Variants in DNAAF11 observed in about 807,000 individuals in gnomAD.
DNAAF11 encodes the protein leucine rich repeat containing 6.
DNAAF11 carries 45 observed loss-of-function variants against 60.8 expected under a neutral mutation model. The observed-to-expected ratio is 0.74, with a 90% CI of 0.58 to 0.95. The LOEUF is 0.95. Among genes scored for constraint, DNAAF11 ranks in the 40% least tolerant of loss-of-function variants. The pLI is 0.00. For synonymous variants in DNAAF11, 191 were observed against 183.5 expected (o/e 1.04, Z -0.33); for missense variants, 546 against 546.2 (o/e 1.00, Z 0.00).
At chr8:132,664,955 C>A (rs533473440) in intron 1 of DNAAF11, among the ~76,000 whole-genome samples, 50 of 152,190 alleles carry the variant, frequency 3.3e-4, no homozygotes, top group Admixed American at 8.5e-4. Flanking sequence ...CCTCCCTTAG[C>A]ATGAATAACT....
At chr8:132,689,881 A>AT in the DNAAF11 span, among the ~76,000 whole-genome samples, 3,726 of 151,752 alleles carry the variant, frequency 0.025, 169 homozygotes, top group African/African-American at 0.085. Flanking sequence ...TCCTGTGAAT[A>AT]TTTTTTTTCC....
chr8:132,610,138 T>G (rs774183652), intron 10 of DNAAF11, 28 bp downstream of exon 10: 10 of 1,551,080 alleles, frequency 6.4e-6, no homozygotes, highest in Admixed American at 1.7e-5. Context: ...TATCCAGACT[T>G]GAAATTGACC....
chr8:132,649,565 T>A (rs1452765523), intron 3 of DNAAF11, among the ~76,000 whole-genome samples: 4 of 152,046 alleles, frequency 2.6e-5, no homozygotes, highest in Non-Finnish European at 4.4e-5. Context: ...GAAACTACCA[T>A]CAGAGTGAAC....
At position 132,663,780 on chromosome 8, in the gene DNAAF11, T is replaced by C. The variant is rs530606402; in HGVS notation, c.11-2153A>G. On this transcript the variant is annotated intron_variant, in intron 1 of 11. Coordinates refer to ENST00000620350, the MANE Select transcript of DNAAF11 (RefSeq NM_012472.6). ...GGGCTCCAAGCCTTACTCTAAACCTTGCAATGGCAGCTTCTCCAGGTTCGT... is the reference window on the plus strand; with the variant it reads ...GGGCTCCAAGCCTTACTCTAAACCTCGCAATGGCAGCTTCTCCAGGTTCGT... Among the ~76,000 whole-genome samples, 9 of 152,314 alleles carry C rather than the reference T, an allele frequency of 5.9e-5. No individual in the cohort carries two copies. The South Asian group carries it at 1.9e-3, about 32-fold the overall frequency.
At chr8:132,573,168 C>T (rs1336922712) in intron 11 of DNAAF11, among the ~76,000 whole-genome samples, 3 of 150,522 alleles carry the variant, frequency 2.0e-5, no homozygotes, top group African/African-American at 7.5e-5. Flanking sequence ...CTCTGGGCTG[C>T]GTTCCCCGCA....
chr8:132,699,615 C>T, the DNAAF11 span, among the ~76,000 whole-genome samples: 942 of 151,874 alleles, frequency 6.2e-3, 15 homozygotes, highest in African/African-American at 0.022. Context: ...CCTTACCTGC[C>T]AAACTCACTC....
chr8:132,677,604 A>T (rs1415613348), upstream of DNAAF11, among the ~76,000 whole-genome samples: 5 of 151,942 alleles, frequency 3.3e-5, no homozygotes, highest in African/African-American at 1.2e-4. Flanking sequence ...AAAGAAACTG[A>T]GGTAAAATTA....
intron 3 of DNAAF11, among the ~76,000 whole-genome samples, chr8:132,655,154 C>A (rs1352273869): frequency 6.6e-5 from 10 of 151,216 alleles, no homozygotes; most frequent in Non-Finnish European, 1.5e-4. Flanking sequence ...AATGAGATAA[C>A]CTAAGTGAAA....
At chr8:132,614,381 C>A (rs1818948360) in intron 8 of DNAAF11, among the ~76,000 whole-genome samples, 1 of 152,046 alleles carries the variant, frequency 6.6e-6, no homozygotes, top group South Asian at 2.1e-4. Context: ...GAACCAGGGC[C>A]TAAAATCTTC....
At chr8:132,676,036 A>G (rs1279318450), upstream of DNAAF11, among the ~76,000 whole-genome samples, 1 of 152,178 alleles carries the variant, frequency 6.6e-6, no homozygotes, top group Admixed American at 6.5e-5. Flanking sequence ...AATTTGAGTG[A>G]ATGAAAGACA....
chr8:132,635,809 C>T (rs1430315965), intron 4 of DNAAF11, among the ~76,000 whole-genome samples: 2 of 152,160 alleles, frequency 1.3e-5, no homozygotes, highest in African/African-American at 4.8e-5. Context: ...TATCCTGGAG[C>T]AGGTGGGCCC....
At chr8:132,674,118 G>GAGA (rs1825479433) in intron 1 of DNAAF11, among the ~76,000 whole-genome samples, 1 of 127,340 alleles carries the variant, frequency 7.9e-6, no homozygotes, top group African/African-American at 3.0e-5. Flanking sequence ...GGAGCAGGAG[G>GAGA]AGGAGGAGGA....
chr8:132,628,291 A>G (rs1366939890), intron 5 of DNAAF11, among the ~76,000 whole-genome samples: 3 of 152,256 alleles, frequency 2.0e-5, no homozygotes, highest in Non-Finnish European at 4.4e-5. Flanking sequence ...ACACACCTGT[A>G]ATCCCAGCTA....
At chr8:132,597,746 G>C (rs1352104251) in intron 10 of DNAAF11, among the ~76,000 whole-genome samples, 1 of 152,118 alleles carries the variant, frequency 6.6e-6, no homozygotes, top group African/African-American at 2.4e-5. Context: ...CAACAAGCTG[G>C]GTAACTATGC....
chr8:132,682,487 A>G, the DNAAF11 span, among the ~76,000 whole-genome samples: 2 of 152,240 alleles, frequency 1.3e-5, no homozygotes, highest in Non-Finnish European at 2.9e-5. Flanking sequence ...GATCCCTGCT[A>G]GTATTTCTGA....
rs12677317 is a variant in DNAAF11 at position 132,576,485 on chromosome 8, G to A, written c.1227-4005C>T. On this transcript the variant is annotated intron_variant, in intron 11 of 11. Coordinates refer to ENST00000620350, the MANE Select transcript of DNAAF11 (RefSeq NM_012472.6). ...AAGAAGCTATATGATATGTGCCCAA[G>A]TGAGACGATTTGACTGACCAAATTG... 1.4e-4 allele frequency among the ~76,000 whole-genome samples: 21 copies of A among 152,286 alleles called. No homozygotes were observed. In the East Asian group the frequency reaches 4.1e-3, roughly 29 times the overall value.
chr8:132,701,862 A>G, the DNAAF11 span, among the ~76,000 whole-genome samples: 2 of 152,054 alleles, frequency 1.3e-5, no homozygotes, highest in Non-Finnish European at 2.9e-5. Context: ...GATTGACCCC[A>G]GATGGTGGCA....
chr8:132,635,286 G>A (rs529564970), intron 4 of DNAAF11, among the ~76,000 whole-genome samples: 2 of 152,308 alleles, frequency 1.3e-5, no homozygotes, highest in African/African-American at 2.4e-5. Flanking sequence ...GCACAAAGGT[G>A]GAGTGTCCAC....
At chr8:132,622,586 T>C in intron 7 of DNAAF11, 25 bp downstream of exon 7, 3 of 1,588,886 alleles carry the variant, frequency 1.9e-6, no homozygotes, top group Non-Finnish European at 2.6e-6. Context: ...TTTGGGTCTT[T>C]AACGCTCTAT....
Sources: gnomAD v4.1 joint callset for allele counts (sites outside exome capture counted in the v4.1 genomes callset) on GRCh38, gnomAD v4.1.1 for gene constraint, MANE v1.5 for transcripts, NCBI Gene and HGNC (gene_info 2026-07-23, HGNC 2026-07-21) for gene names.